Variants in GMPPB observed in about 807,000 individuals in gnomAD.
The protein encoded by GMPPB is GDP-mannose pyrophosphorylase B.
Under a neutral mutation model 40.3 loss-of-function variants are expected in GMPPB, and 38 were observed. The ratio of observed to expected loss-of-function variants is 0.94; its 90% CI spans 0.73 to 1.24. The LOEUF (loss-of-function observed/expected upper bound fraction) is 1.24. GMPPB is among the 50% of genes most tolerant of loss of function. The probability of loss-of-function intolerance (pLI) is 0.00; values close to 1 mark genes in which losing one functional copy is unlikely to be tolerated. For missense variants in GMPPB, 436 were observed against 487.1 expected, an observed-to-expected ratio of 0.90 and a Z score of 0.99; for synonymous variants, 193 against 191.8, an observed-to-expected ratio of 1.01 and a Z score of -0.05.
rs373693597 is a variant in GMPPB, at chr3:49,723,739, C to T, written c.-13G>A. ...TCAGTGCCTTCATCGCGCCTGCGGA[C>T]GTTGAGGGGGTGTCCCGGGCTCTGA... On this transcript the variant is annotated 5_prime_UTR_variant, in exon 1 of 9. Transcript: ENST00000308388. The T allele has an allele frequency of 1.9e-6, 3 of 1,579,284 alleles. No individual in the cohort carries two copies. The African/African-American group carries it at 4.1e-5, about 21-fold the overall frequency.
In GMPPB at chr3:49,721,845, G is replaced by C. The variant is rs369228844; in HGVS notation, c.990C>G (p.Val330=). The C allele has an allele frequency of 6.2e-7, 1 of 1,613,726 alleles. No homozygotes were observed. The highest frequency in any genetic ancestry group is 1.3e-5 in the African/African-American group (1 of 74,916). ...MENVTVLGED[V]IVNDELYLNG... ...TGAGGTAGAGCTCATCATTAACTAT[G>C]ACGTCCTCACCCAGCACTGTCACGT... The change falls in exon 9 of 9, where the codon GTC becomes GTG. Residue 330 remains valine (V), a synonymous_variant. Coordinates refer to ENST00000308388, the MANE Select transcript of GMPPB (RefSeq NM_021971.4).
Position 49,721,730 on chromosome 3 carries a change from C to T in GMPPB, c.*22G>A, listed in dbSNP as rs752921207. The T allele has an allele frequency of 1.1e-5, 18 of 1,575,418 alleles. No individual in the cohort carries two copies. Among genetic ancestry groups the T allele is most frequent in the East Asian group, 6.7e-5 (3 of 44,724 alleles). On this transcript the variant is annotated 3_prime_UTR_variant, in exon 9 of 9. Transcript: ENST00000308388. ...CCTTGCTGATGGGAAAACCGGGGCT[C>T]GGCCAGCCCCACTGCATCCCCTCAC...
At position 49,720,475 on chromosome 3, in the gene GMPPB, A is replaced by AGG. The variant is rs2080377978; in HGVS notation, c.*1276_*1277insCC. The AGG allele has an allele frequency of 1.3e-6, 2 of 1,515,062 alleles. No individual in the cohort carries two copies. Among genetic ancestry groups the AGG allele is most frequent in the East Asian group, 4.6e-5 (2 of 43,860 alleles). The allele number at this position is 1,515,062 out of a possible 1,614,324, so 93.9% of individuals were successfully genotyped here. ...AAGAGAGACTTTTAGCCAGGCCCCAAGCCTTCTGACTGCCCTTGCACCCTC... is the reference window on the plus strand; with the variant it reads ...AAGAGAGACTTTTAGCCAGGCCCCAAGGGCCTTCTGACTGCCCTTGCACCCTC... On this transcript the variant is annotated 3_prime_UTR_variant, in exon 9 of 9. Coordinates refer to ENST00000308388, the MANE Select transcript of GMPPB (RefSeq NM_021971.4).
chr3:49,721,739 C>T lies in GMPPB; in HGVS notation c.*13G>A. The stretch of plus-strand genomic sequence containing the variant: ...TGGGAAAACCGGGGCTCGGCCAGCC[C>T]CACTGCATCCCCTCACATGATGATA... On this transcript the variant is annotated 3_prime_UTR_variant, in exon 9 of 9. Transcript: ENST00000308388. 6.3e-7 allele frequency: 1 copy of T among 1,587,770 alleles called. No homozygotes were observed. Among genetic ancestry groups the T allele is most frequent in the South Asian group, 1.1e-5 (1 of 88,220 alleles).
At position 49,720,887 on chromosome 3, in the gene GMPPB, C is replaced by T; in HGVS notation, c.*865G>A. The T allele has an allele frequency of 1.2e-6, 2 of 1,614,134 alleles. No individual in the cohort carries two copies. Among genetic ancestry groups the T allele is most frequent in the Non-Finnish European group, 1.7e-6 (2 of 1,179,992 alleles). On this transcript the variant is annotated 3_prime_UTR_variant, in exon 9 of 9. Transcript: ENST00000308388. Reference sequence around the variant, plus strand: ...TCTGCATCTGCCCAGGCAGCAGCTGCCTCCCTGGTGAGTGGGAACACGGTG... The same window carrying T: ...TCTGCATCTGCCCAGGCAGCAGCTGTCTCCCTGGTGAGTGGGAACACGGTG...
In GMPPB at chr3:49,723,117, G is replaced by A; in HGVS notation, c.260-3C>T. On this transcript the variant is annotated splice_polypyrimidine_tract_variant and splice_region_variant and intron_variant, in intron 3 of 8. Coordinates refer to ENST00000308388, the MANE Select transcript of GMPPB (RefSeq NM_021971.4). ...ACGGGCCAGCGCCAGGGGCCCAGCT[G>A]GGGGAAGGGGACAGGTCACCACCTT... 1 of 1,613,840 alleles carries A rather than the reference G, an allele frequency of 6.2e-7. No individual in the cohort carries two copies. Among genetic ancestry groups the A allele is most frequent in the Non-Finnish European group, 8.5e-7 (1 of 1,179,856 alleles).
Position 49,720,715 on chromosome 3 carries a change from G to A in GMPPB, c.*1037C>T. On this transcript the variant is annotated 3_prime_UTR_variant, in exon 9 of 9. Transcript: ENST00000308388. ...GGCTGGGTCGGGTCAGGAGCCTTAA[G>A]AACAGCAAAGTCCTAGGCTGGGAAT... is the stretch of plus-strand genomic sequence containing the variant. 1 of 1,605,226 alleles carries A rather than the reference G, an allele frequency of 6.2e-7. No individual in the cohort carries two copies. Among genetic ancestry groups the A allele is most frequent in the South Asian group, 1.1e-5 (1 of 90,854 alleles).
chr3:49,723,018 G>T lies in GMPPB; in HGVS notation c.356C>A (p.Ala119Asp), dbSNP rs1272084445. The change falls in exon 4 of 9, where the codon GCC (alanine) becomes GAC (aspartate). Residue 119 changes from alanine to aspartate, a missense_variant. By Grantham distance (126) the Ala-to-Asp change is moderately radical (BLOSUM62 -2). Transcript: ENST00000308388. Reference sequence around the variant, plus strand: ...ATGGTGCCGGTGGAACTGCACCATGGCTTGGAAGGGGAAATCGCAGATCAC... The same window carrying T: ...ATGGTGCCGGTGGAACTGCACCATGTCTTGGAAGGGGAAATCGCAGATCAC... ...SDVICDFPFQAMVQFHRHHGQ... is the reference protein window; with the variant it reads ...SDVICDFPFQDMVQFHRHHGQ... The T allele has an allele frequency of 2.5e-6, 4 of 1,613,624 alleles. No individual in the cohort carries two copies. Among genetic ancestry groups the T allele is most frequent in the African/African-American group, 2.7e-5 (2 of 74,914 alleles).
At position 49,722,345 on chromosome 3, in the gene GMPPB, G is replaced by A. The variant is rs765143269; in HGVS notation, c.654C>T (p.Asp218=). ...TGAGGAAGTCCTTGGGCTGCCCAAT[G>A]TCCATCCAGAAGCCTGTAGGGAGGG... ...YAMELQGFWM[D]IGQPKDFLTG... is the part of the protein sequence containing the mutation. The change falls in exon 7 of 9, where the codon GAC becomes GAT. Residue 218 remains aspartate, a synonymous_variant. Coordinates refer to ENST00000308388, the MANE Select transcript of GMPPB (RefSeq NM_021971.4). The A allele has an allele frequency of 5.6e-6, 9 of 1,613,784 alleles. No homozygotes were observed. Among genetic ancestry groups the A allele is most frequent in the African/African-American group, 4.0e-5 (3 of 74,932 alleles).
In GMPPB at chr3:49,723,679, C is replaced by A; in HGVS notation, c.48G>T (p.Pro16=). The change falls in exon 1 of 9, where the codon CCG becomes CCT. Residue 16 remains proline (P), a synonymous_variant. Coordinates refer to ENST00000308388, the MANE Select transcript of GMPPB (RefSeq NM_021971.4). ...GTGGCTTCGGGGTGCTCAGCGTCAG[C>A]GGCCGTAGCCGCGTCCCATAGCCCC... is the stretch of plus-strand genomic sequence containing the variant. ...LVGGYGTRLR[P]LTLSTPKPLV... 6.3e-7 allele frequency: 1 copy of A among 1,583,510 alleles called. No homozygotes were observed. Among genetic ancestry groups the A allele is most frequent in the Non-Finnish European group, 8.6e-7 (1 of 1,167,464 alleles).
Position 49,722,753 on chromosome 3 carries a change from A to C in GMPPB, c.404T>G (p.Val135Gly). Residue 135 changes from valine (V) to glycine (G), a missense_variant and splice_region_variant, in exon 5 of 9, where the codon GTG (valine) becomes GGG (glycine). Val to Gly is a moderately radical substitution (Grantham distance 109, BLOSUM62 -3). Transcript: ENST00000308388. ...CTTGGAGGGTTCCTCCACCTTGGTC[A>C]CCTGAATGCAAGGAAGGGGACCTCG... ...RHHGQEGSILVTKVEEPSKYG... is the reference protein window; with the variant it reads ...RHHGQEGSILGTKVEEPSKYG... The C allele has an allele frequency of 1.9e-6, 3 of 1,610,078 alleles. No homozygotes were observed. The South Asian group carries it at 3.3e-5, about 18-fold the overall frequency.
Position 49,720,380 on chromosome 3 carries a change from A to G in GMPPB, c.*1372T>C. On this transcript the variant is annotated 3_prime_UTR_variant, in exon 9 of 9. Coordinates refer to ENST00000308388, the MANE Select transcript of GMPPB (RefSeq NM_021971.4). ...AGAATACAGGACTTGGGGTTTGGGA[A>G]GCAGGGAGACGGAAAGGATGCAGGG... 1 of 910,648 alleles carries G rather than the reference A, an allele frequency of 1.1e-6. No homozygotes were observed. Among genetic ancestry groups the G allele is most frequent in the Non-Finnish European group, 1.5e-6 (1 of 648,116 alleles). The allele number at this position is 910,648 out of a possible 1,614,324, so 56.4% of individuals were successfully genotyped here.
chr3:49,720,804 G>A lies in GMPPB; in HGVS notation c.*948C>T, dbSNP rs148608408. The A allele has an allele frequency of 3.8e-5, 62 of 1,614,002 alleles. No homozygotes were observed. Among genetic ancestry groups the A allele is most frequent in the Middle Eastern group, 3.3e-4 (2 of 6,084 alleles). ...ACACTACCTACCACTCCCCAGATGC[G>A]GATTATATCAGTGCCGATGAGCTGG... On this transcript the variant is annotated 3_prime_UTR_variant, in exon 9 of 9. Coordinates refer to ENST00000308388, the MANE Select transcript of GMPPB (RefSeq NM_021971.4).
In GMPPB at chr3:49,720,758, T is replaced by C; in HGVS notation, c.*994A>G. On this transcript the variant is annotated 3_prime_UTR_variant, in exon 9 of 9. Coordinates refer to ENST00000308388, the MANE Select transcript of GMPPB (RefSeq NM_021971.4). ...CTGGGAATATTCAAGAGGCATCACA[T>C]CCTCAGCTACCTCTGACTTGACACT... The C allele has an allele frequency of 1.9e-6, 3 of 1,612,516 alleles. No homozygotes were observed. The highest frequency in any genetic ancestry group is 2.5e-6 in the Non-Finnish European group (3 of 1,178,612).
At position 49,722,973 on chromosome 3, in the gene GMPPB, A is replaced by G. The variant is rs2080445109; in HGVS notation, c.401T>C (p.Leu134Pro). Residue 134 changes from leucine to proline, a missense_variant and splice_region_variant, in exon 4 of 9, where the codon CTG becomes CCG. Leu to Pro is a moderately conservative substitution (Grantham distance 98). Coordinates refer to ENST00000308388, the MANE Select transcript of GMPPB (RefSeq NM_021971.4). ...HRHHGQEGSI[L>P]VTKVEEPSKY... ...GAGAGAGAAGACCTGGCGCCTTACC[A>G]GGATGGAGCCCTCCTGGCCATGGTG... The G allele has an allele frequency of 6.2e-7, 1 of 1,613,418 alleles. No individual in the cohort carries two copies. Among genetic ancestry groups the G allele is most frequent in the Non-Finnish European group, 8.5e-7 (1 of 1,179,744 alleles).
At position 49,722,368 on chromosome 3, in the gene GMPPB, G is replaced by T; in HGVS notation, c.641-10C>A. On this transcript the variant is annotated splice_polypyrimidine_tract_variant and intron_variant, in intron 6 of 8. Coordinates refer to ENST00000308388, the MANE Select transcript of GMPPB (RefSeq NM_021971.4). ...ATGTCCATCCAGAAGCCTGTAGGGA[G>T]GGATGCATCAGGGGCCTCAGCCCAG... The T allele has an allele frequency of 6.2e-7, 1 of 1,613,680 alleles. No individual in the cohort carries two copies.
At position 49,721,531 on chromosome 3, in the gene GMPPB, C is replaced by CCCTGGA; in HGVS notation, c.*220_*221insTCCAGG. On this transcript the variant is annotated 3_prime_UTR_variant, in exon 9 of 9. Transcript: ENST00000308388. ...AGCATTAAATTATTATTCCATACAG[C>CCCTGGA]CCTGGCCCTGGCCCTTCTTGAGGGA... 1.3e-6 allele frequency: 1 copy of CCCTGGA among 794,740 alleles called. No individual in the cohort carries two copies. 49.2% of individuals were successfully genotyped at this position (794,740 alleles called of 1,614,324 possible).
At position 49,723,375 on chromosome 3, in the gene GMPPB, A is replaced by G. The variant is rs200384032; in HGVS notation, c.210+17T>C. 6.2e-7 allele frequency: 1 copy of G among 1,613,956 alleles called. No homozygotes were observed. The highest frequency in any genetic ancestry group is 2.2e-5 in the East Asian group (1 of 44,880). ...TGGGCGGGGACCGAGAATAAGGGCCAAGAGTCTGTGCCTCACCCTCTGCTC... is the reference window on the plus strand; with the variant it reads ...TGGGCGGGGACCGAGAATAAGGGCCGAGAGTCTGTGCCTCACCCTCTGCTC... On this transcript the variant is annotated intron_variant, in intron 2 of 8. Transcript: ENST00000308388.
At position 49,721,252 on chromosome 3, in the gene GMPPB, G is replaced by A. The variant is rs146833478; in HGVS notation, c.*500C>T. The A allele has an allele frequency of 1.9e-6, 3 of 1,614,100 alleles. No homozygotes were observed. In the African/African-American group the frequency reaches 4.0e-5, roughly 22 times the overall value. ...CTTCTGCAAAACCACCATCGTGTCT[G>A]TAGAGGACTGGGAGAAGGGAGCCAA... On this transcript the variant is annotated 3_prime_UTR_variant, in exon 9 of 9. Coordinates refer to ENST00000308388, the MANE Select transcript of GMPPB (RefSeq NM_021971.4).
Sources: allele counts gnomAD v4.1 joint callset, GRCh38; gene constraint gnomAD v4.1.1; transcripts MANE v1.5; gene names NCBI Gene and HGNC (gene_info 2026-07-23, HGNC 2026-07-21).